HS3ST5: variants seen among roughly 807,000 people sequenced by gnomAD.
HS3ST5 encodes heparan sulfate glucosamine 3-O-sulfotransferase 5.
Under a neutral mutation model 25.4 loss-of-function variants are expected in HS3ST5, and 10 were observed. That is an observed-to-expected ratio of 0.39 (90% CI 0.24 to 0.67). The LOEUF is 0.67. Ranked by LOEUF, HS3ST5 falls within the 30% of genes least tolerant of loss-of-function variation. The pLI, the probability that HS3ST5 is intolerant of heterozygous loss-of-function variation, is 0.44. For missense variants in HS3ST5, 324 were observed against 420.7 expected (o/e 0.77, Z 2.01); for synonymous variants, 170 against 162.4 (o/e 1.05, Z -0.36).
At chr6:114,260,760 C>A (rs1773135771) in intron 1 of HS3ST5, among the ~76,000 whole-genome samples, 1 of 152,186 alleles carries the variant, frequency 6.6e-6, no homozygotes, top group Non-Finnish European at 1.5e-5. Flanking sequence ...AGGGCCAGCA[C>A]CTGCAAAGGG....
At chr6:114,097,940 T>C (rs1231156818) in intron 3 of HS3ST5, among the ~76,000 whole-genome samples, 1 of 151,952 alleles carries the variant, frequency 6.6e-6, no homozygotes, top group African/African-American at 2.4e-5. Flanking sequence ...TTTATATGTG[T>C]AGATATGTAT....
intron 2 of HS3ST5, among the ~76,000 whole-genome samples, chr6:114,198,001 G>A (rs1780841795): frequency 6.6e-6 from 1 of 152,178 alleles, no homozygotes; most frequent in Non-Finnish European, 1.5e-5. Flanking sequence ...GGAAGCTCAA[G>A]GAGATCCAAG....
intron 3 of HS3ST5, chr6:114,088,827 G>T (rs1274352650): frequency 6.6e-6 from 1 of 152,014 alleles, no homozygotes; most frequent in Non-Finnish European, 1.5e-5. Context: ...GATTTTGTAG[G>T]TCCTTAGAGA....
At chr6:114,094,696 A>G (rs529389686) in intron 3 of HS3ST5, among the ~76,000 whole-genome samples, 2 of 152,320 alleles carry the variant, frequency 1.3e-5, no homozygotes, top group East Asian at 3.9e-4. Flanking sequence ...AAGTACTCCT[A>G]TGATAGACAG....
At chr6:114,231,041 T>A (rs1771565283) in intron 1 of HS3ST5, among the ~76,000 whole-genome samples, 1 of 151,992 alleles carries the variant, frequency 6.6e-6, no homozygotes, top group Non-Finnish European at 1.5e-5. Context: ...ATGTTGGAGG[T>A]GGGGCCTGGT....
rs185109976 is a variant in HS3ST5, at chr6:114,337,892, C to A, written c.-339+4303G>T. Among the ~76,000 whole-genome samples, 349 of 152,194 alleles carry A rather than the reference C, an allele frequency of 2.3e-3. 1 individual carries two copies. The highest frequency in any genetic ancestry group is 0.01 in the Middle Eastern group (3 of 294). On this transcript the variant is annotated intron_variant, in intron 1 of 4. Transcript: ENST00000312719. Reference sequence around the variant, plus strand: ...ATTTATTTAGGTTCATAAACCCTCACCTTCCTCAACTCCTAAATGGCAGTA... The same window carrying A: ...ATTTATTTAGGTTCATAAACCCTCAACTTCCTCAACTCCTAAATGGCAGTA...
At chr6:114,136,617 C>G (rs897628494) in intron 3 of HS3ST5, among the ~76,000 whole-genome samples, 2 of 152,158 alleles carry the variant, frequency 1.3e-5, no homozygotes, top group African/African-American at 4.8e-5. Context: ...CAGTCTCCCC[C>G]GAAGGGCCAG....
At chr6:114,156,946 C>T (rs150047534) in intron 3 of HS3ST5, among the ~76,000 whole-genome samples, 4 of 152,292 alleles carry the variant, frequency 2.6e-5, no homozygotes, top group African/African-American at 9.6e-5. Context: ...GCTGTAATTA[C>T]CATGTTATTT....
rs1771425157 is a variant in HS3ST5 at position 114,228,631 on chromosome 6, GA to G, written c.-192del. 6.6e-6 allele frequency: 1 copy of G among 152,038 alleles called. No individual in the cohort carries two copies. The highest frequency in any genetic ancestry group is 1.5e-5 in the Non-Finnish European group (1 of 67,994). 9.4% of individuals were successfully genotyped at this position (152,038 alleles called of 1,614,324 possible). Reference sequence around the variant, plus strand: ...CAGCAATTTTTGAACATATATGGTGGAAACTTTCAAAGGAATATATGTAGTG... The same window carrying G: ...CAGCAATTTTTGAACATATATGGTGGAACTTTCAAAGGAATATATGTAGTG... On this transcript the variant is annotated 5_prime_UTR_variant, in exon 2 of 5. Coordinates refer to ENST00000312719, the MANE Select transcript of HS3ST5 (RefSeq NM_153612.4).
At chr6:114,062,942 C>A in intron 3 of HS3ST5, 65 bp from the exon 4 acceptor site, 1 of 887,280 alleles carries the variant, frequency 1.1e-6, no homozygotes, top group South Asian at 1.5e-5. Context: ...CAGAGCTAAG[C>A]AGAGGTGGAA....
chr6:114,134,819 C>A (rs1293627429), intron 3 of HS3ST5, among the ~76,000 whole-genome samples: 1 of 152,208 alleles, frequency 6.6e-6, no homozygotes, highest in Non-Finnish European at 1.5e-5. Context: ...CTGTGAATTT[C>A]TCTCTTTTCC....
At chr6:114,321,765 C>CACACACAT (rs2114882194) in intron 1 of HS3ST5, among the ~76,000 whole-genome samples, 1 of 152,154 alleles carries the variant, frequency 6.6e-6, no homozygotes, top group East Asian at 1.9e-4. Flanking sequence ...TACACATAGA[C>CACACACAT]ACACACATAT....
At chr6:114,165,897 C>T (rs1779187185) in intron 3 of HS3ST5, among the ~76,000 whole-genome samples, 1 of 152,026 alleles carries the variant, frequency 6.6e-6, no homozygotes, top group Non-Finnish European at 1.5e-5. Flanking sequence ...AGTTAAAAAC[C>T]TAAGCCAGGC....
intron 1 of HS3ST5, among the ~76,000 whole-genome samples, chr6:114,321,774 A>G (rs1775980401): frequency 6.6e-6 from 1 of 152,098 alleles, no homozygotes; most frequent in African/African-American, 2.4e-5. Flanking sequence ...ACACACACAT[A>G]TATCTGTGTC....
At chr6:114,291,529 G>A (rs180896593) in intron 1 of HS3ST5, among the ~76,000 whole-genome samples, 2 of 152,246 alleles carry the variant, frequency 1.3e-5, no homozygotes, top group East Asian at 1.9e-4. Context: ...TGGGGTATTC[G>A]ATTTGTAGAT....
intron 3 of HS3ST5, among the ~76,000 whole-genome samples, chr6:114,085,915 A>C (rs1399710825): frequency 1.4e-5 from 2 of 140,794 alleles, no homozygotes; most frequent in Non-Finnish European, 1.5e-5. Flanking sequence ...ATTTTCTCTT[A>C]AATTCATATA....
At chr6:114,276,618 A>AT (rs145697582) in intron 1 of HS3ST5, among the ~76,000 whole-genome samples, 1 of 144,950 alleles carries the variant, frequency 6.9e-6, no homozygotes, top group South Asian at 2.1e-4. Context: ...TGGGAAAAAA[A>AT]AAAACAAAAA....
chr6:114,158,336 C>T (rs1349796617), intron 3 of HS3ST5, among the ~76,000 whole-genome samples: 2 of 152,178 alleles, frequency 1.3e-5, no homozygotes, highest in African/African-American at 4.8e-5. Flanking sequence ...AAATTATGAG[C>T]AGCAGAATCT....
intron 3 of HS3ST5, among the ~76,000 whole-genome samples, chr6:114,072,604 G>T (rs1033802467): frequency 3.3e-5 from 5 of 152,060 alleles, no homozygotes; most frequent in Non-Finnish European, 7.4e-5. Flanking sequence ...TTCACATTTA[G>T]TGAATTCATC....
Sources: allele counts gnomAD v4.1 joint callset (sites outside exome capture counted in the v4.1 genomes callset), GRCh38; gene constraint gnomAD v4.1.1; transcripts MANE v1.5; gene names NCBI Gene and HGNC (gene_info 2026-07-23, HGNC 2026-07-21).